Variants in INAFM1 observed in about 807,000 individuals in gnomAD.
INAFM1 encodes the protein putative transmembrane protein INAFM1.
INAFM1 carries 11 observed loss-of-function variants against 9.4 expected under a neutral mutation model. That is an observed-to-expected ratio of 1.17 (90% confidence interval 0.74 to 1.94). The LOEUF (loss-of-function observed/expected upper bound fraction) is 1.94. Ranked by LOEUF, INAFM1 falls within the 30% of genes most tolerant of loss-of-function variation. The probability of loss-of-function intolerance (pLI) is 0.00; values close to 1 mark genes in which losing one functional copy is unlikely to be tolerated. For synonymous variants in INAFM1, 161 were observed against 109.5 expected, an observed-to-expected ratio of 1.47 and a Z score of -2.94; for missense variants, 318 against 221.6, an observed-to-expected ratio of 1.44 and a Z score of -2.76.
Position 47,275,228 on chromosome 19 carries a change from G to C in INAFM1, c.309G>C (p.Pro103=), listed in dbSNP as rs983670505. Residue 103 remains proline, a synonymous_variant, in exon 1 of 1, where the codon CCG becomes CCC. Transcript: ENST00000552360. ...LSCLLGVPGG[P]RPQLQLPLSR... ...GCCTCCTGGGAGTCCCCGGCGGGCC[G>C]CGACCCCAGCTCCAGCTGCCGCTGA... The C allele has an allele frequency of 7.2e-6, 11 of 1,529,792 alleles. No homozygotes were observed. The highest frequency in any genetic ancestry group is 9.7e-6 in the Non-Finnish European group (11 of 1,139,168). The allele number at this position is 1,529,792 out of a possible 1,614,324, so 94.8% of individuals were successfully genotyped here. A position where few individuals can be genotyped will look rare whatever the true frequency, so the allele number is the denominator to read the frequency against.
At position 47,274,985 on chromosome 19, in the gene INAFM1, CCCGCGGGGG is replaced by C; in HGVS notation, c.68_76del (p.Pro23_Gly25del). 1.4e-6 allele frequency: 2 copies of C among 1,464,848 alleles called. No individual in the cohort carries two copies. Among genetic ancestry groups the C allele is most frequent in the Non-Finnish European group, 1.8e-6 (2 of 1,112,656 alleles). 90.7% of individuals were successfully genotyped at this position (1,464,848 alleles called of 1,614,324 possible). On this transcript the variant is annotated inframe_deletion, in exon 1 of 1. Transcript: ENST00000552360. The stretch of plus-strand genomic sequence containing the variant: ...CCGGAGGCGCGGGGCTGAGCGAGGG[CCCGCGGGGG>C]CGCTGGCTGCGCTTGGCTCCGGTAT...
upstream of INAFM1, chr19:47,274,620 G>C (rs941683320): frequency 1.4e-5 from 3 of 215,048 alleles, no homozygotes; most frequent in African/African-American, 7.9e-5. Flanking sequence ...TCCGAGTCTG[G>C]GAAGAGAACC....
Position 47,275,436 on chromosome 19 carries a change from CT to C in INAFM1, c.*90del. 2 of 1,441,642 alleles carry C rather than the reference CT, an allele frequency of 1.4e-6. No homozygotes were observed. The highest frequency in any genetic ancestry group is 9.2e-7 in the Non-Finnish European group (1 of 1,090,596). 89.3% of individuals were successfully genotyped at this position (1,441,642 alleles called of 1,614,324 possible). ...TGCACCGTCTCTGGATTGGTCCGGC[CT>C]TCTTCCTAATGACATCGCTCAGCGT... is the stretch of plus-strand genomic sequence containing the variant. On this transcript the variant is annotated 3_prime_UTR_variant, in exon 1 of 1. Transcript: ENST00000552360.
Position 47,275,043 on chromosome 19 carries a change from C to G in INAFM1, c.124C>G (p.Leu42Val), listed in dbSNP as rs1214305253. The change falls in exon 1 of 1, where the codon CTA (leucine) becomes GTA (valine). Residue 42 changes from leucine to valine, a missense_variant. Transcript: ENST00000552360. ...PVCAYFLCVS[L>V]AAVLLAVYYG... ...ATGCGCCTACTTCCTCTGCGTCTCG[C>G]TAGCTGCCGTGCTGCTCGCCGTGTA... 1.3e-5 allele frequency: 20 copies of G among 1,490,976 alleles called. No individual in the cohort carries two copies. The highest frequency in any genetic ancestry group is 6.3e-5 in the South Asian group (5 of 79,216). The allele number at this position is 1,490,976 out of a possible 1,614,324, so 92.4% of individuals were successfully genotyped here.
rs2059153368 is a variant in INAFM1, at chr19:47,275,402, C to T, written c.*54C>T. ...CAGCCCTCGAGAGCTCTGTGCTCCA[C>T]GCCGAGGATGCACCGTCTCTGGATT... On this transcript the variant is annotated 3_prime_UTR_variant, in exon 1 of 1. Transcript: ENST00000552360. 1 of 1,510,628 alleles carries T rather than the reference C, an allele frequency of 6.6e-7. No individual in the cohort carries two copies. The highest frequency in any genetic ancestry group is 1.2e-5 in the South Asian group (1 of 81,370). The allele number at this position is 1,510,628 out of a possible 1,614,324, so 93.6% of individuals were successfully genotyped here. A position where few individuals can be genotyped will look rare whatever the true frequency, so the allele number is the denominator to read the frequency against.
rs1214305253 is a variant in INAFM1 at position 47,275,043 on chromosome 19, C to T, written c.124C>T (p.Leu42=). The change falls in exon 1 of 1, where the codon CTA becomes TTA. Residue 42 remains leucine, a synonymous_variant. Transcript: ENST00000552360. The part of the protein sequence containing the change: ...PVCAYFLCVS[L]AAVLLAVYYG... ...ATGCGCCTACTTCCTCTGCGTCTCG[C>T]TAGCTGCCGTGCTGCTCGCCGTGTA... 17 of 1,490,976 alleles carry T rather than the reference C, an allele frequency of 1.1e-5. No homozygotes were observed. The highest frequency in any genetic ancestry group is 8.7e-5 in the East Asian group (3 of 34,558). The allele number at this position is 1,490,976 out of a possible 1,614,324, so 92.4% of individuals were successfully genotyped here.
In INAFM1 at chr19:47,275,209, T is replaced by C. The variant is rs2059150823; in HGVS notation, c.290T>C (p.Leu97Pro). 6.6e-7 allele frequency: 1 copy of C among 1,525,228 alleles called. No individual in the cohort carries two copies. The highest frequency in any genetic ancestry group is 8.8e-7 in the Non-Finnish European group (1 of 1,137,542). The allele number at this position is 1,525,228 out of a possible 1,614,324, so 94.5% of individuals were successfully genotyped here. A position where few individuals can be genotyped will look rare whatever the true frequency, so the allele number is the denominator to read the frequency against. ...GCCGCTGCCTCCCTCTCCTGCCTCC[T>C]GGGAGTCCCCGGCGGGCCGCGACCC... is the stretch of plus-strand genomic sequence containing the variant. ...APAAASLSCL[L>P]GVPGGPRPQL... Residue 97 changes from leucine to proline, a missense_variant, in exon 1 of 1, where the codon CTG (leucine) becomes CCG (proline). By Grantham distance (98) the Leu-to-Pro change is moderately conservative (BLOSUM62 -3). Transcript: ENST00000552360.
upstream of INAFM1, chr19:47,274,846 T>C (rs1600297879): frequency 1.3e-6 from 1 of 748,610 alleles, no homozygotes; most frequent in Middle Eastern, 5.4e-4. Context: ...CGGGGCGGTC[T>C]GCGGGGTGGG....
At position 47,275,353 on chromosome 19, in the gene INAFM1, CCCTT is replaced by C; in HGVS notation, c.*8_*11del. On this transcript the variant is annotated 3_prime_UTR_variant, in exon 1 of 1. Coordinates refer to ENST00000552360, the MANE Select transcript of INAFM1 (RefSeq NM_178511.6). The stretch of plus-strand genomic sequence containing the variant: ...GAGGGGCGAAGACCCGGGTAACTCT[CCCTT>C]CCACCCCAACCCGGATCGCCAGCCC... 6.5e-7 allele frequency: 1 copy of C among 1,536,914 alleles called. No individual in the cohort carries two copies. The highest frequency in any genetic ancestry group is 8.8e-7 in the Non-Finnish European group (1 of 1,140,670).
Position 47,275,300 on chromosome 19 carries a change from G to T in INAFM1, c.381G>T (p.Gln127His). ...YSDPDRRPSR[Q>H]TPRETPEAAE... ...ACCCTGACCGCCGTCCGAGCCGCCA[G>T]ACACCCAGAGAGACGCCAGAGGCCG... is the stretch of plus-strand genomic sequence containing the variant. Residue 127 changes from glutamine (Q) to histidine (H), a missense_variant, in exon 1 of 1, where the codon CAG becomes CAT. Gln to His is a conservative substitution (Grantham distance 24). Coordinates refer to ENST00000552360, the MANE Select transcript of INAFM1 (RefSeq NM_178511.6). The T allele has an allele frequency of 6.5e-7, 1 of 1,546,160 alleles. No individual in the cohort carries two copies. The highest frequency in any genetic ancestry group is 8.7e-7 in the Non-Finnish European group (1 of 1,145,132).
chr19:47,274,746 G>C (rs1254273400), upstream of INAFM1: 1 of 325,256 alleles, frequency 3.1e-6, no homozygotes, highest in Admixed American at 5.7e-5. Flanking sequence ...GGAGGCTGGA[G>C]GGGGTGGGCC....
chr19:47,274,864 C>T (rs1411376851), upstream of INAFM1: 123 of 1,069,844 alleles, frequency 1.1e-4, 1 homozygote, highest in Non-Finnish European at 1.2e-4. Flanking sequence ...GGGGGCGGGG[C>T]CTGGTGGGGG....
Position 47,275,447 on chromosome 19 carries a change from T to A in INAFM1, c.*99T>A. On this transcript the variant is annotated 3_prime_UTR_variant, in exon 1 of 1. Coordinates refer to ENST00000552360, the MANE Select transcript of INAFM1 (RefSeq NM_178511.6). Reference sequence around the variant, plus strand: ...TGGATTGGTCCGGCCTTCTTCCTAATGACATCGCTCAGCGTCTCTGGAGCC... The same window carrying A: ...TGGATTGGTCCGGCCTTCTTCCTAAAGACATCGCTCAGCGTCTCTGGAGCC... The A allele has an allele frequency of 2.1e-6, 3 of 1,410,354 alleles. No individual in the cohort carries two copies. Among genetic ancestry groups the A allele is most frequent in the Admixed American group, 5.8e-5 (2 of 34,518 alleles). The allele number at this position is 1,410,354 out of a possible 1,614,324, so 87.4% of individuals were successfully genotyped here. A position where few individuals can be genotyped will look rare whatever the true frequency, so the allele number is the denominator to read the frequency against.
Position 47,275,269 on chromosome 19 carries a change from A to C in INAFM1, c.350A>C (p.Tyr117Ser). 1 of 1,542,666 alleles carries C rather than the reference A, an allele frequency of 6.5e-7. No homozygotes were observed. The highest frequency in any genetic ancestry group is 1.4e-5 in the African/African-American group (1 of 71,744). The change falls in exon 1 of 1, where the codon TAC (tyrosine) becomes TCC (serine). Residue 117 changes from tyrosine (Y) to serine (S), a missense_variant. Physicochemically the swap from Tyr to Ser is moderately radical, Grantham distance 144 (BLOSUM62 -2). Transcript: ENST00000552360. ...CTGCCGCTGAGCCGCCGCCGCCGCT[A>C]CAGCGACCCTGACCGCCGTCCGAGC... ...LQLPLSRRRR[Y>S]SDPDRRPSRQ...
At position 47,275,261 on chromosome 19, in the gene INAFM1, C is replaced by T; in HGVS notation, c.342C>T (p.Arg114=). 6.5e-7 allele frequency: 1 copy of T among 1,540,642 alleles called. No homozygotes were observed. The highest frequency in any genetic ancestry group is 1.2e-5 in the South Asian group (1 of 83,744). ...AGCTCCAGCTGCCGCTGAGCCGCCGCCGCCGCTACAGCGACCCTGACCGCC... is the reference window on the plus strand; with the variant it reads ...AGCTCCAGCTGCCGCTGAGCCGCCGTCGCCGCTACAGCGACCCTGACCGCC... The part of the protein sequence containing the change: ...RPQLQLPLSR[R]RRYSDPDRRP... Residue 114 remains arginine, a synonymous_variant, in exon 1 of 1, where the codon CGC becomes CGT. Coordinates refer to ENST00000552360, the MANE Select transcript of INAFM1 (RefSeq NM_178511.6).
chr19:47,274,855 G>A, upstream of INAFM1: 2 of 1,124,304 alleles, frequency 1.8e-6, no homozygotes, highest in Non-Finnish European at 1.1e-6. Context: ...CTGCGGGGTG[G>A]GGGCGGGGCC....
rs1462179123 is a variant in INAFM1, at chr19:47,275,267, C to T, written c.348C>T (p.Arg116=). The T allele has an allele frequency of 2.6e-5, 40 of 1,542,992 alleles. No homozygotes were observed. The highest frequency in any genetic ancestry group is 3.1e-5 in the Non-Finnish European group (35 of 1,144,212). The change falls in exon 1 of 1, where the codon CGC becomes CGT. Residue 116 remains arginine, a synonymous_variant. Coordinates refer to ENST00000552360, the MANE Select transcript of INAFM1 (RefSeq NM_178511.6). Reference sequence around the variant, plus strand: ...AGCTGCCGCTGAGCCGCCGCCGCCGCTACAGCGACCCTGACCGCCGTCCGA... The same window carrying T: ...AGCTGCCGCTGAGCCGCCGCCGCCGTTACAGCGACCCTGACCGCCGTCCGA... ...QLQLPLSRRR[R]YSDPDRRPSR...
Position 47,275,712 on chromosome 19 carries a change from C to A in INAFM1, c.*364C>A. 1 of 288,188 alleles carries A rather than the reference C, an allele frequency of 3.5e-6. No homozygotes were observed. Among genetic ancestry groups the A allele is most frequent in the Admixed American group, 5.4e-5 (1 of 18,688 alleles). The allele number at this position is 288,188 out of a possible 1,614,324, so 17.9% of individuals were successfully genotyped here. On this transcript the variant is annotated 3_prime_UTR_variant, in exon 1 of 1. Transcript: ENST00000552360. ...TCGGCTGCCTCGTGCTGTGTCTGTC[C>A]TGTTGTCTGCAGAGATGCCTCCCCT...
At chr19:47,274,423 G>C (rs937992846), upstream of INAFM1, 1 of 153,002 alleles carries the variant, frequency 6.5e-6, no homozygotes, top group African/African-American at 2.4e-5. Flanking sequence ...GGAGAGCGGG[G>C]ATTCCGGAAC....
Sources: gnomAD v4.1 joint callset for allele counts on GRCh38, gnomAD v4.1.1 for gene constraint, MANE v1.5 for transcripts, NCBI Gene and HGNC (gene_info 2026-07-23, HGNC 2026-07-21) for gene names.